The following CCDC60 variants were observed in gnomAD, a reference collection of about 807,000 sequenced individuals.
CCDC60 encodes coiled-coil domain containing 60.
A neutral mutation model predicts 63.5 loss-of-function variants in CCDC60; 54 were observed. The observed-to-expected ratio is 0.85, with a 90% CI of 0.68 to 1.07. The LOEUF (loss-of-function observed/expected upper bound fraction) is 1.07, where lower values mean the gene tolerates loss of function less well. Ranked by LOEUF, CCDC60 falls within the 50% of genes least tolerant of loss-of-function variation. CCDC60 has a pLI of 0.00. For synonymous variants in CCDC60, 206 were observed against 238.8 expected (o/e 0.86, Z 1.27); for missense variants, 651 against 684.3 (o/e 0.95, Z 0.54).
intron 12 of CCDC60, 71 bp from the exon 13 acceptor site, chr12:119,530,803 G>A (rs1952819916): frequency 7.7e-7 from 1 of 1,303,990 alleles, no homozygotes; most frequent in Non-Finnish European, 1.1e-6. Context: ...AGAGAAAGTG[G>A]AGATGGATGG....
At chr12:119,408,066 G>C (rs898653505) in intron 1 of CCDC60, among the ~76,000 whole-genome samples, 2 of 152,064 alleles carry the variant, frequency 1.3e-5, no homozygotes, top group African/African-American at 4.8e-5. Flanking sequence ...CCCTGAAACA[G>C]ACCAACACAT....
chr12:119,367,743 C>T (rs1245691479), intron 1 of CCDC60, among the ~76,000 whole-genome samples: 3 of 152,230 alleles, frequency 2.0e-5, no homozygotes, highest in East Asian at 3.9e-4. Flanking sequence ...ACCTTGAAAA[C>T]GTTATGCAAA....
At position 119,385,676 on chromosome 12, in the gene CCDC60, A is replaced by G. The variant is rs141448544; in HGVS notation, c.91-43007A>G. ...TGAAAACAGACTAATACAAAAGGGC[A>G]GGGAGATAGAAAGGTTGGAGTCTCT... On this transcript the variant is annotated intron_variant, in intron 1 of 13. Coordinates refer to ENST00000327554, the MANE Select transcript of CCDC60 (RefSeq NM_178499.5). 3.6e-3 allele frequency among the ~76,000 whole-genome samples: 546 copies of G among 152,362 alleles called. 4 individuals carry two copies. Among genetic ancestry groups the G allele is most frequent in the African/African-American group, 0.012 (514 of 41,588 alleles).
intron 1 of CCDC60, among the ~76,000 whole-genome samples, chr12:119,337,145 T>G (rs1037227899): frequency 2.6e-5 from 4 of 152,234 alleles, no homozygotes; most frequent in Admixed American, 2.0e-4. Flanking sequence ...CACTCCTCAT[T>G]ACTCAGCCCT....
chr12:119,431,785 T>A (rs1405963922), intron 2 of CCDC60, among the ~76,000 whole-genome samples: 2 of 152,276 alleles, frequency 1.3e-5, no homozygotes, highest in East Asian at 3.9e-4. Flanking sequence ...TTCACGCCAT[T>A]CTCCTGCCTC....
At chr12:119,389,387 A>G (rs1490733598) in intron 1 of CCDC60, among the ~76,000 whole-genome samples, 1 of 152,198 alleles carries the variant, frequency 6.6e-6, no homozygotes, top group African/African-American at 2.4e-5. Flanking sequence ...GCAGAGTTGT[A>G]CAAGAGACTG....
Position 119,412,099 on chromosome 12 carries a change from G to A in CCDC60, c.91-16584G>A, listed in dbSNP as rs113168326. 1.4e-3 allele frequency among the ~76,000 whole-genome samples: 217 copies of A among 152,148 alleles called. 1 individual carries two copies. The highest frequency in any genetic ancestry group is 4.9e-3 in the African/African-American group (205 of 41,516). On this transcript the variant is annotated intron_variant, in intron 1 of 13. Transcript: ENST00000327554. ...AAGGTAATCCATGTAAATTTCCATCGAATGGCATCCAGGGGACAGCATTGT... is the reference window on the plus strand; with the variant it reads ...AAGGTAATCCATGTAAATTTCCATCAAATGGCATCCAGGGGACAGCATTGT...
At chr12:119,491,327 T>A (rs1291411669) in intron 5 of CCDC60, among the ~76,000 whole-genome samples, 1 of 152,060 alleles carries the variant, frequency 6.6e-6, no homozygotes, top group African/African-American at 2.4e-5. Flanking sequence ...GTTTGTTTGT[T>A]TGTTTTTGTT....
Position 119,472,121 on chromosome 12 carries a change from G to C in CCDC60, c.298G>C (p.Ala100Pro). 6.2e-7 allele frequency: 1 copy of C among 1,614,144 alleles called. No homozygotes were observed. The highest frequency in any genetic ancestry group is 8.5e-7 in the Non-Finnish European group (1 of 1,180,020). ...GGAGGAAAGAAATAAATTCCAGCCA[G>C]CCGAAAAGATCTCAGAAATCCACTA... is the stretch of plus-strand genomic sequence containing the variant. ...KEEERNKFQP[A>P]EKISEIHYGD... The change falls in exon 3 of 14, where the codon GCC (alanine) becomes CCC (proline). Residue 100 changes from alanine to proline, a missense_variant. Physicochemically the swap from Ala to Pro is conservative, Grantham distance 27 (BLOSUM62 -1). Coordinates refer to ENST00000327554, the MANE Select transcript of CCDC60 (RefSeq NM_178499.5).
At chr12:119,356,546 C>G (rs1028097909) in intron 1 of CCDC60, among the ~76,000 whole-genome samples, 1 of 152,088 alleles carries the variant, frequency 6.6e-6, no homozygotes, top group Non-Finnish European at 1.5e-5. Context: ...AGAATATGAC[C>G]AGAATTATCT....
At chr12:119,497,373 C>A (rs1461143882) in intron 5 of CCDC60, among the ~76,000 whole-genome samples, 1 of 152,150 alleles carries the variant, frequency 6.6e-6, no homozygotes, top group Non-Finnish European at 1.5e-5. Context: ...TTATTTGCTA[C>A]TGAAAATGAA....
Position 119,519,492 on chromosome 12 carries a change from A to G in CCDC60, c.969-629A>G, listed in dbSNP as rs867956495. 4.4e-3 allele frequency among the ~76,000 whole-genome samples: 602 copies of G among 135,750 alleles called. 7 individuals carry two copies. Among genetic ancestry groups the G allele is most frequent in the African/African-American group, 0.016 (550 of 35,326 alleles). The allele number at this position is 135,750 out of a possible 152,430, so 89.1% of individuals were successfully genotyped here. Reference sequence around the variant, plus strand: ...ATTTTTTTTTTTTTTTGACAGAGTCATGCTCTGTTACCCAGGCTGGAGTGC... The same window carrying G: ...ATTTTTTTTTTTTTTTGACAGAGTCGTGCTCTGTTACCCAGGCTGGAGTGC... On this transcript the variant is annotated intron_variant, in intron 8 of 13. Transcript: ENST00000327554.
chr12:119,453,821 AAGGAAG>A (rs1374782731), intron 2 of CCDC60, among the ~76,000 whole-genome samples: 5 of 152,042 alleles, frequency 3.3e-5, no homozygotes, highest in Non-Finnish European at 7.4e-5. Flanking sequence ...GCAGGAGGAG[AAGGAAG>A]AGGAAGAGGA....
intron 1 of CCDC60, among the ~76,000 whole-genome samples, chr12:119,405,909 C>T (rs966383689): frequency 2.7e-4 from 41 of 152,132 alleles, no homozygotes; most frequent in Non-Finnish European, 4.0e-4. Flanking sequence ...TGGTGGCTCA[C>T]GCCTGTAATC....
intron 1 of CCDC60, among the ~76,000 whole-genome samples, chr12:119,405,142 C>T (rs1424666564): frequency 6.6e-6 from 1 of 152,188 alleles, no homozygotes; most frequent in Non-Finnish European, 1.5e-5. Flanking sequence ...CAGCCTTCTC[C>T]TGTCTCCGTG....
At chr12:119,518,738 G>A (rs1309392568) in intron 8 of CCDC60, among the ~76,000 whole-genome samples, 1 of 152,066 alleles carries the variant, frequency 6.6e-6, no homozygotes. Flanking sequence ...TGGTGGGGAC[G>A]GTTGTTACTT....
chr12:119,428,586 T>C, intron 1 of CCDC60, 97 bp from the exon 2 acceptor site: 1 of 784,010 alleles, frequency 1.3e-6, no homozygotes. Flanking sequence ...AACCTAGCCA[T>C]ACATCTCAGA....
rs558044978 is a variant in CCDC60, at chr12:119,410,797, C to G, written c.91-17886C>G. ...TCGCTCTGTCACTCGGGCTGCAGTG[C>G]GGTGGCGCGATCTCAGCTCACTGCA... On this transcript the variant is annotated intron_variant, in intron 1 of 13. Coordinates refer to ENST00000327554, the MANE Select transcript of CCDC60 (RefSeq NM_178499.5). This position sits in a 1 kb window ranked among gnomAD's most constrained non-coding sequence, Gnocchi z 4.0. Among the ~76,000 whole-genome samples, 1 of 152,268 alleles carries G rather than the reference C, an allele frequency of 6.6e-6. No homozygotes were observed. Among genetic ancestry groups the G allele is most frequent in the South Asian group, 2.1e-4 (1 of 4,830 alleles).
At chr12:119,422,018 A>G (rs1019900700) in intron 1 of CCDC60, among the ~76,000 whole-genome samples, 1 of 152,198 alleles carries the variant, frequency 6.6e-6, no homozygotes, top group Admixed American at 6.5e-5. Context: ...AACCTGGTAC[A>G]TTACACGACA....
Sources: gnomAD v4.1 joint callset for allele counts (sites outside exome capture counted in the v4.1 genomes callset) on GRCh38, gnomAD v4.1.1 for gene constraint, Gnocchi (gnomAD v3.1) non-coding constraint, MANE v1.5 for transcripts, NCBI Gene and HGNC (gene_info 2026-07-23, HGNC 2026-07-21) for gene names.